The following SDK1 variants were observed in gnomAD, a reference collection of about 807,000 sequenced individuals.
SDK1 encodes sidekick cell adhesion molecule 1.
SDK1 carries 157 observed loss-of-function variants against 245.5 expected under a neutral mutation model. The ratio of observed to expected loss-of-function variants is 0.64; its 90% CI spans 0.56 to 0.73. The LOEUF is 0.73. Among genes scored for constraint, SDK1 ranks in the 30% least tolerant of loss-of-function variants. The probability of loss-of-function intolerance (pLI) is 0.00; values close to 1 mark genes in which losing one functional copy is unlikely to be tolerated. For missense variants in SDK1, 3,583 were observed against 3,002.3 expected (o/e 1.19, Z -4.52); for synonymous variants, 1,647 against 1,278.5 (o/e 1.29, Z -6.15).
At chr7:4,230,367 T>C (rs1454374722) in intron 40 of SDK1, among the ~76,000 whole-genome samples, 1 of 116,698 alleles carries the variant, frequency 8.6e-6, no homozygotes, top group Non-Finnish European at 1.7e-5. Flanking sequence ...GATGGATAGA[T>C]GGATGGATGG....
chr7:3,880,407 C>A (rs1408654628), intron 5 of SDK1, among the ~76,000 whole-genome samples: 1 of 152,128 alleles, frequency 6.6e-6, no homozygotes, highest in Non-Finnish European at 1.5e-5. Flanking sequence ...CAGCACGGGG[C>A]GGGGGCCTTG....
At chr7:3,620,761 C>G in intron 2 of SDK1, among the ~76,000 whole-genome samples, 1 of 152,144 alleles carries the variant, frequency 6.6e-6, no homozygotes, top group East Asian at 1.9e-4. Flanking sequence ...TGGACACTCC[C>G]TGGTTCTCCT....
intron 1 of SDK1, among the ~76,000 whole-genome samples, chr7:3,388,547 A>C (rs1781666689): frequency 6.6e-6 from 1 of 152,112 alleles, no homozygotes; most frequent in Non-Finnish European, 1.5e-5. Context: ...ATTAAATCTC[A>C]TTTAGAAAAG....
intron 1 of SDK1, among the ~76,000 whole-genome samples, chr7:3,416,119 T>C (rs1779359087): frequency 6.6e-6 from 1 of 152,228 alleles, no homozygotes; most frequent in Non-Finnish European, 1.5e-5. Context: ...TTTTATGATT[T>C]CTCAGTAGAT....
chr7:3,421,475 A>G (rs1779533464), intron 1 of SDK1, among the ~76,000 whole-genome samples: 1 of 152,114 alleles, frequency 6.6e-6, no homozygotes, highest in Admixed American at 6.6e-5. Context: ...GCATTTTTAT[A>G]ATTTTTGCTA....
intron 1 of SDK1, among the ~76,000 whole-genome samples, chr7:3,328,149 C>T (rs750880916): frequency 6.6e-6 from 1 of 152,232 alleles, no homozygotes; most frequent in East Asian, 1.9e-4. Context: ...ATGTGGAAAT[C>T]TGTAGTTGAA....
At chr7:3,692,981 G>A (rs1037744427) in intron 4 of SDK1, among the ~76,000 whole-genome samples, 2 of 151,854 alleles carry the variant, frequency 1.3e-5, no homozygotes, top group South Asian at 4.1e-4. Context: ...GTGTGTACCT[G>A]TAATATTTGC....
At chr7:4,043,324 G>A (rs1040565743) in intron 17 of SDK1, among the ~76,000 whole-genome samples, 64 of 122,076 alleles carry the variant, frequency 5.2e-4, no homozygotes, top group African/African-American at 1.7e-3. Context: ...AGTCACAGCC[G>A]GGGGCCCAGG....
intron 4 of SDK1, among the ~76,000 whole-genome samples, chr7:3,667,617 G>A (rs957706543): frequency 6.6e-6 from 1 of 152,158 alleles, no homozygotes; most frequent in Non-Finnish European, 1.5e-5. Flanking sequence ...TCCTCCACCA[G>A]GAGACCCTGG....
intron 4 of SDK1, among the ~76,000 whole-genome samples, chr7:3,732,045 C>G (rs1164348840): frequency 1.3e-5 from 2 of 152,232 alleles, no homozygotes; most frequent in African/African-American, 4.8e-5. Flanking sequence ...CCGCCTCAGC[C>G]TCCCAGAGTG....
At chr7:3,380,513 C>T (rs1001454495) in intron 1 of SDK1, among the ~76,000 whole-genome samples, 6 of 152,286 alleles carry the variant, frequency 3.9e-5, no homozygotes, top group East Asian at 1.9e-4. Context: ...GAGGAATTGG[C>T]GGTTCAGTTT....
intron 4 of SDK1, among the ~76,000 whole-genome samples, chr7:3,726,331 C>T (rs1779006763): frequency 6.6e-6 from 1 of 152,158 alleles, no homozygotes; most frequent in African/African-American, 2.4e-5. Context: ...GAAGTTAGTG[C>T]TTTTGGATAT....
At chr7:3,934,130 TG>T (rs1445037977) in intron 5 of SDK1, among the ~76,000 whole-genome samples, 1 of 152,224 alleles carries the variant, frequency 6.6e-6, no homozygotes, top group African/African-American at 2.4e-5. Flanking sequence ...AGTTGAACAG[TG>T]GTATCTGTAG....
At chr7:3,870,911 T>C (rs531352748) in intron 5 of SDK1, among the ~76,000 whole-genome samples, 3 of 152,228 alleles carry the variant, frequency 2.0e-5, no homozygotes, top group Non-Finnish European at 4.4e-5. Context: ...TTTATGACCT[T>C]GATACTTTGG....
intron 8 of SDK1, among the ~76,000 whole-genome samples, chr7:3,959,425 G>T (rs1290674456): frequency 6.6e-6 from 1 of 152,108 alleles, no homozygotes; most frequent in Non-Finnish European, 1.5e-5. Flanking sequence ...AAGGGAGATG[G>T]GTGTACATGT....
intron 1 of SDK1, among the ~76,000 whole-genome samples, chr7:3,531,945 A>G (rs1235110343): frequency 6.6e-6 from 1 of 152,218 alleles, no homozygotes; most frequent in Non-Finnish European, 1.5e-5. Context: ...GTAACACACC[A>G]TTTATCTGGT....
At position 4,110,668 on chromosome 7, in the gene SDK1, A is replaced by G; in HGVS notation, c.3330A>G (p.Gly1110=). 6.2e-7 allele frequency: 1 copy of G among 1,610,774 alleles called. No individual in the cohort carries two copies. Among genetic ancestry groups the G allele is most frequent in the Non-Finnish European group, 8.5e-7 (1 of 1,177,558 alleles). The change falls in exon 23 of 45, where the codon GGA becomes GGG. Residue 1110 remains glycine (G), a synonymous_variant. Coordinates refer to ENST00000404826, the MANE Select transcript of SDK1 (RefSeq NM_152744.4). ...ISRWIVEGQV[G]AIGDEEEWVT... ...CAGTGTCTCCCTCTGCACAGGTGGG[A>G]GCTATCGGCGACGAGGAGGAGTGGG...
At chr7:3,777,924 T>C (rs977791410) in intron 4 of SDK1, among the ~76,000 whole-genome samples, 2 of 152,136 alleles carry the variant, frequency 1.3e-5, no homozygotes, top group African/African-American at 4.8e-5. Context: ...TTATAAACAA[T>C]AAAAGCCACA....
At position 3,958,999 on chromosome 7, in the gene SDK1, G is replaced by A. The variant is rs780085119; in HGVS notation, c.1219G>A (p.Gly407Arg). Reference sequence around the variant, plus strand: ...TGAAGTAGAAGAAACTGTGGACATCGGATGTCAAGCCATGGGTGAGTGCAG... The same window carrying A: ...TGAAGTAGAAGAAACTGTGGACATCAGATGTCAAGCCATGGGTGAGTGCAG... ...SAEVEETVDIGCQAMGVPLPT... is the reference protein window; with the variant it reads ...SAEVEETVDIRCQAMGVPLPT... The change falls in exon 8 of 45, where the codon GGA (glycine) becomes AGA (arginine). Residue 407 changes from glycine to arginine, a missense_variant. Gly to Arg is a moderately radical substitution (Grantham distance 125, BLOSUM62 -2). Coordinates refer to ENST00000404826, the MANE Select transcript of SDK1 (RefSeq NM_152744.4). 4.3e-6 allele frequency: 7 copies of A among 1,613,672 alleles called. No individual in the cohort carries two copies. The African/African-American group carries it at 5.3e-5, about 12-fold the overall frequency.
Sources: gnomAD v4.1 joint callset for allele counts (sites outside exome capture counted in the v4.1 genomes callset) on GRCh38, gnomAD v4.1.1 for gene constraint, MANE v1.5 for transcripts, NCBI Gene and HGNC (gene_info 2026-07-23, HGNC 2026-07-21) for gene names.